Variants in CNTNAP5 observed in about 807,000 individuals in gnomAD.
CNTNAP5 encodes contactin associated protein family member 5.
CNTNAP5 carries 72 observed loss-of-function variants against 150.2 expected under a neutral mutation model. The ratio of observed to expected loss-of-function variants is 0.48; its 90% CI spans 0.40 to 0.58. The LOEUF is 0.58. CNTNAP5 is among the 20% of genes least tolerant of loss of function. The pLI is 0.00. For missense variants in CNTNAP5, 1,636 were observed against 1,626.2 expected, an observed-to-expected ratio of 1.01 and a Z score of -0.10; for synonymous variants, 672 against 619.8, an observed-to-expected ratio of 1.08 and a Z score of -1.25.
At chr2:124,772,340 T>C (rs549634402) in intron 16 of CNTNAP5, among the ~76,000 whole-genome samples, 13 of 152,206 alleles carry the variant, frequency 8.5e-5, no homozygotes, top group Non-Finnish European at 1.5e-4. Flanking sequence ...TGAGCTTTTT[T>C]CATTATGGAA....
chr2:124,387,523 A>G (rs1046331639), intron 3 of CNTNAP5, among the ~76,000 whole-genome samples: 18 of 152,216 alleles, frequency 1.2e-4, no homozygotes, highest in African/African-American at 3.9e-4. Flanking sequence ...CGGTGAAGTT[A>G]AGAGCAATGT....
chr2:124,560,426 G>A (rs944791553), intron 10 of CNTNAP5, among the ~76,000 whole-genome samples: 9 of 151,112 alleles, frequency 6.0e-5, no homozygotes, highest in Admixed American at 2.0e-4. Context: ...GGCTGAGGCA[G>A]GAGAATCGCT....
intron 3 of CNTNAP5, among the ~76,000 whole-genome samples, chr2:124,306,489 T>C (rs534639221): frequency 1.3e-5 from 2 of 152,308 alleles, no homozygotes; most frequent in East Asian, 1.9e-4. Context: ...ATATGACCTA[T>C]GTTGGTTGCC....
At chr2:124,407,310 A>G (rs951369366) in intron 3 of CNTNAP5, among the ~76,000 whole-genome samples, 1 of 152,196 alleles carries the variant, frequency 6.6e-6, no homozygotes, top group African/African-American at 2.4e-5. Flanking sequence ...TTTATAGCTA[A>G]TAAATTATTT....
intron 11 of CNTNAP5, among the ~76,000 whole-genome samples, chr2:124,578,177 A>G (rs1479216491): frequency 6.7e-6 from 1 of 149,242 alleles, no homozygotes; most frequent in Non-Finnish European, 1.5e-5. Context: ...AAAAAAAAAA[A>G]AAATTAGCCG....
chr2:124,192,498 C>A (rs147870819), intron 1 of CNTNAP5, among the ~76,000 whole-genome samples: 1 of 152,250 alleles, frequency 6.6e-6, no homozygotes, highest in South Asian at 2.1e-4. Context: ...CCAAACCATG[C>A]GTCTGATGGT....
intron 3 of CNTNAP5, among the ~76,000 whole-genome samples, chr2:124,414,318 G>A (rs74470057): frequency 6.6e-6 from 1 of 152,038 alleles, no homozygotes; most frequent in African/African-American, 2.4e-5. Flanking sequence ...TGAACTTGGG[G>A]AGGGGCTGAT....
chr2:124,808,730 G>A (rs1044518227), intron 19 of CNTNAP5, among the ~76,000 whole-genome samples: 3 of 152,168 alleles, frequency 2.0e-5, no homozygotes, highest in Non-Finnish European at 1.5e-5. Context: ...AGCAGATAAA[G>A]GAGGAAGGCT....
intron 22 of CNTNAP5, among the ~76,000 whole-genome samples, chr2:124,909,826 CATATATATAT>C (rs368913883): frequency 1.0e-3 from 75 of 74,622 alleles, no homozygotes; most frequent in South Asian, 3.9e-3. Flanking sequence ...CAATTGGTGA[CATATATATAT>C]ATATATATAT....
chr2:124,513,667 A>G (rs546005078), intron 8 of CNTNAP5, among the ~76,000 whole-genome samples: 3 of 152,324 alleles, frequency 2.0e-5, no homozygotes, highest in Admixed American at 2.0e-4. Flanking sequence ...GATTTTTAAC[A>G]AACAGTCCTG....
chr2:124,341,717 T>A (rs1249831020), intron 3 of CNTNAP5, among the ~76,000 whole-genome samples: 3 of 152,138 alleles, frequency 2.0e-5, no homozygotes, highest in African/African-American at 7.2e-5. Context: ...GGCAGTCAGT[T>A]GAGATAATTT....
intron 1 of CNTNAP5, among the ~76,000 whole-genome samples, chr2:124,057,284 T>A (rs1222856611): frequency 5.2e-5 from 1 of 19,092 alleles, no homozygotes; most frequent in African/African-American, 1.3e-4. Context: ...ACAAGTCCAT[T>A]TTTTTTTTTT....
intron 17 of CNTNAP5, among the ~76,000 whole-genome samples, chr2:124,782,454 T>G (rs2104621984): frequency 6.6e-6 from 1 of 152,336 alleles, no homozygotes; most frequent in South Asian, 2.1e-4. Flanking sequence ...CATGTGGACC[T>G]TAAACAGTAG....
At chr2:124,526,354 A>C (rs1694967386) in intron 9 of CNTNAP5, among the ~76,000 whole-genome samples, 2 of 151,970 alleles carry the variant, frequency 1.3e-5, no homozygotes, top group Non-Finnish European at 2.9e-5. Flanking sequence ...ATCTCTCTTC[A>C]TTTTACAGTG....
Position 124,129,564 on chromosome 2 carries a change from G to A in CNTNAP5, c.83-92141G>A, listed in dbSNP as rs77167615. Among the ~76,000 whole-genome samples the A allele has an allele frequency of 6.4e-4, 97 of 152,314 alleles. No individual in the cohort carries two copies. In the East Asian group the frequency reaches 0.018, roughly 28 times the overall value. On this transcript the variant is annotated intron_variant, in intron 1 of 23. Coordinates refer to ENST00000682447, the MANE Select transcript of CNTNAP5 (RefSeq NM_001367498.1). ...GACAAAGGGCAAGGAAGAGGGGTGAGTGTAGGACTTCCTGACATTTCCAGA... is the reference window on the plus strand; with the variant it reads ...GACAAAGGGCAAGGAAGAGGGGTGAATGTAGGACTTCCTGACATTTCCAGA...
intron 13 of CNTNAP5, among the ~76,000 whole-genome samples, chr2:124,678,509 G>C (rs370977530): frequency 2.6e-5 from 4 of 151,526 alleles, no homozygotes; most frequent in African/African-American, 9.7e-5. Context: ...CTGCCTGCCT[G>C]CTCTAAAAAT....
chr2:124,758,963 C>G lies in CNTNAP5; in HGVS notation c.2235-4709C>G, dbSNP rs1045253626. 3.3e-5 allele frequency among the ~76,000 whole-genome samples: 5 copies of G among 152,090 alleles called. No homozygotes were observed. In the East Asian group the frequency reaches 9.6e-4, roughly 29 times the overall value. On this transcript the variant is annotated intron_variant, in intron 14 of 23. Coordinates refer to ENST00000682447, the MANE Select transcript of CNTNAP5 (RefSeq NM_001367498.1). ...TATTTAATGTCGAGCTTATTCTCTA[C>G]AAAACATTAAATCATTTTCCAACAG... is the stretch of plus-strand genomic sequence containing the variant.
chr2:124,780,843 C>T (rs1430574128), intron 17 of CNTNAP5, among the ~76,000 whole-genome samples: 1 of 152,262 alleles, frequency 6.6e-6, no homozygotes, highest in African/African-American at 2.4e-5. Context: ...GCCTCAGCCA[C>T]TGACCTTCTC....
At chr2:124,856,533 T>C (rs184591598) in intron 19 of CNTNAP5, among the ~76,000 whole-genome samples, 3 of 152,346 alleles carry the variant, frequency 2.0e-5, no homozygotes, top group Admixed American at 2.0e-4. Flanking sequence ...TGGCCATTCT[T>C]GCAGGAGTAA....
Sources: gnomAD v4.1 joint callset for allele counts (sites outside exome capture counted in the v4.1 genomes callset) on GRCh38, gnomAD v4.1.1 for gene constraint, MANE v1.5 for transcripts, NCBI Gene and HGNC (gene_info 2026-07-23, HGNC 2026-07-21) for gene names.